Variants in RELCH observed in about 807,000 individuals in gnomAD.
RELCH encodes RAB11 binding and LisH domain, coiled-coil and HEAT repeat containing, also known as RAB11-binding protein RELCH.
A neutral mutation model predicts 150.3 loss-of-function variants in RELCH; 41 were observed. The ratio of observed to expected loss-of-function variants is 0.27; its 90% CI spans 0.21 to 0.35. The LOEUF (loss-of-function observed/expected upper bound fraction) is 0.35. Among genes scored for constraint, RELCH ranks in the 10% least tolerant of loss-of-function variants. The probability of loss-of-function intolerance (pLI) is 1.00; values close to 1 mark genes in which losing one functional copy is unlikely to be tolerated. For missense variants in RELCH, 1,092 were observed against 1,467.8 expected (o/e 0.74, Z 4.18); for synonymous variants, 478 against 531.8 (o/e 0.90, Z 1.39).
chr18:62,241,663 T>G (rs772126127), intron 10 of RELCH, among the ~76,000 whole-genome samples: 3 of 152,184 alleles, frequency 2.0e-5, no homozygotes, highest in Admixed American at 6.6e-5. Flanking sequence ...TCACCATTTT[T>G]TAAATGCTGT....
At chr18:62,203,267 C>T (rs989964391) in intron 1 of RELCH, among the ~76,000 whole-genome samples, 3 of 152,074 alleles carry the variant, frequency 2.0e-5, no homozygotes, top group East Asian at 3.9e-4. Context: ...ACCATCCTGG[C>T]CAACATGGTG....
chr18:62,272,064 C>G (rs1208275068), intron 20 of RELCH, among the ~76,000 whole-genome samples: 2 of 152,170 alleles, frequency 1.3e-5, no homozygotes, highest in Admixed American at 6.5e-5. Context: ...AGTTACAGCT[C>G]TGTTAAAGTG....
Position 62,264,712 on chromosome 18 carries a change from T to C in RELCH, c.2508-17T>C. On this transcript the variant is annotated splice_polypyrimidine_tract_variant and intron_variant, in intron 17 of 28. Transcript: ENST00000644646. ...TATATGTATCCCCTGCCTATTTTTCTTTCCTTTCATATTCAGGTTGCCACA... is the reference window on the plus strand; with the variant it reads ...TATATGTATCCCCTGCCTATTTTTCCTTCCTTTCATATTCAGGTTGCCACA... 6.4e-7 allele frequency: 1 copy of C among 1,559,958 alleles called. No individual in the cohort carries two copies. Among genetic ancestry groups the C allele is most frequent in the Non-Finnish European group, 8.7e-7 (1 of 1,144,822 alleles).
intron 11 of RELCH, chr18:62,247,067 T>C (rs187303941): frequency 1.3e-5 from 2 of 152,300 alleles, no homozygotes; most frequent in Non-Finnish European, 2.9e-5. Flanking sequence ...CAGAACGACA[T>C]TAAATTATTA....
In RELCH at chr18:62,242,577, C is replaced by T. The variant is rs190648722; in HGVS notation, c.1621-2187C>T. 1.7e-3 allele frequency among the ~76,000 whole-genome samples: 257 copies of T among 152,220 alleles called. 2 individuals are homozygous for T. Among genetic ancestry groups the T allele is most frequent in the Non-Finnish European group, 1.9e-3 (126 of 68,012 alleles). On this transcript the variant is annotated intron_variant, in intron 10 of 28. Coordinates refer to ENST00000644646, the MANE Select transcript of RELCH (RefSeq NM_001346231.2). ...GTGCTTTTCTTTAGTTTCCTTGGTA[C>T]TAAGTGGTAAACTAAGGTAAGAACT...
chr18:62,236,230 G>A (rs182081215), intron 10 of RELCH, among the ~76,000 whole-genome samples: 3 of 151,684 alleles, frequency 2.0e-5, no homozygotes, highest in East Asian at 1.9e-4. Flanking sequence ...TTCCCCTTTC[G>A]TTCTACTGTC....
rs143408856 is a variant in RELCH, at chr18:62,280,364, C to T, written c.3051-282C>T. ...TGCATGTTGACTGGTTTACAGCTGACTCTTCGAGGCATGAGTGAAGCGTTA... is the reference window on the plus strand; with the variant it reads ...TGCATGTTGACTGGTTTACAGCTGATTCTTCGAGGCATGAGTGAAGCGTTA... On this transcript the variant is annotated intron_variant, in intron 23 of 28. Coordinates refer to ENST00000644646, the MANE Select transcript of RELCH (RefSeq NM_001346231.2). 6.3e-5 allele frequency: 101 copies of T among 1,613,730 alleles called. No individual in the cohort carries two copies. In the Middle Eastern group the frequency reaches 8.2e-4, roughly 13 times the overall value.
intron 5 of RELCH, 129 bp from the exon 6 acceptor site, chr18:62,227,160 G>A: frequency 7.8e-6 from 5 of 637,040 alleles, no homozygotes; most frequent in Non-Finnish European, 1.3e-5. Flanking sequence ...TTGTGCCACT[G>A]TACTCCAGCC....
chr18:62,252,628 A>G (rs750382448), intron 11 of RELCH, 36 bp from the exon 12 acceptor site: 4 of 1,529,862 alleles, frequency 2.6e-6, no homozygotes, highest in East Asian at 2.2e-5. Context: ...GTGCTTTCTC[A>G]TGCAAATACA....
chr18:62,215,912 CT>C (rs1433638861), intron 2 of RELCH, among the ~76,000 whole-genome samples: 1 of 152,014 alleles, frequency 6.6e-6, no homozygotes, highest in Non-Finnish European at 1.5e-5. Flanking sequence ...ATTTTAAAAA[CT>C]TTTTTAGATA....
rs186866786 is a variant in RELCH at position 62,276,823 on chromosome 18, T to C, written c.2967+1350T>C. Among the ~76,000 whole-genome samples the C allele has an allele frequency of 3.0e-3, 461 of 152,264 alleles. 1 individual carries two copies. Among genetic ancestry groups the C allele is most frequent in the African/African-American group, 0.011 (438 of 41,566 alleles). ...TTTAAAAAGCCGTAATCAGGTTTTT[T>C]GTGATGATGAATGCCAAAGCCACTA... On this transcript the variant is annotated intron_variant, in intron 22 of 28. Coordinates refer to ENST00000644646, the MANE Select transcript of RELCH (RefSeq NM_001346231.2).
chr18:62,297,803 C>T (rs1256969119), intron 27 of RELCH, among the ~76,000 whole-genome samples: 1 of 152,176 alleles, frequency 6.6e-6, no homozygotes, highest in Non-Finnish European at 1.5e-5. Context: ...TCACACCTCA[C>T]AGCCTTTGAG....
chr18:62,275,350 ACT>A, intron 21 of RELCH, 22 bp from the exon 22 acceptor site: 3 of 1,282,638 alleles, frequency 2.3e-6, no homozygotes, highest in Non-Finnish European at 3.2e-6. Flanking sequence ...CAATTTTAAC[ACT>A]GTTTTTTTTT....
In RELCH at chr18:62,258,506, T is replaced by C. The variant is rs760990463; in HGVS notation, c.2038-6T>C. ...AAATCTACATTTGCCTTTTTCTCAT[T>C]GACAGGGTTTTGAATTGTTGCTGTC... On this transcript the variant is annotated splice_region_variant and splice_polypyrimidine_tract_variant and intron_variant, in intron 14 of 28. Transcript: ENST00000644646. The C allele has an allele frequency of 1.4e-5, 22 of 1,601,158 alleles. No individual in the cohort carries two copies. In the East Asian group the frequency reaches 4.9e-4, roughly 36 times the overall value.
rs1031359893 is a variant in RELCH at position 62,308,722 on chromosome 18, C to CA, written c.*3198dup. 7.3e-4 allele frequency: 106 copies of CA among 144,878 alleles called. 1 individual carries two copies. The highest frequency in any genetic ancestry group is 2.8e-3 in the East Asian group (14 of 4,944). 9.0% of individuals were successfully genotyped at this position (144,878 alleles called of 1,614,324 possible). On this transcript the variant is annotated 3_prime_UTR_variant, in exon 29 of 29. Transcript: ENST00000644646. ...ACAGAGCAAGACTCCATCTCAAAAA[C>CA]AAAAAAAAAAGCTTTGTAAGTAGCA...
chr18:62,244,710 G>T, intron 10 of RELCH, 54 bp from the exon 11 acceptor site: 1 of 1,142,202 alleles, frequency 8.8e-7, no homozygotes, highest in African/African-American at 1.5e-5. Flanking sequence ...GAGGAAAAAA[G>T]AATATTCTGC....
At chr18:62,253,212 G>T (rs896972723) in intron 12 of RELCH, among the ~76,000 whole-genome samples, 1 of 149,324 alleles carries the variant, frequency 6.7e-6, no homozygotes, top group Non-Finnish European at 1.5e-5. Context: ...GAACTAAGAT[G>T]CAACAAGAAC....
chr18:62,244,089 A>G (rs2042282641), intron 10 of RELCH, among the ~76,000 whole-genome samples: 1 of 152,114 alleles, frequency 6.6e-6, no homozygotes, highest in South Asian at 2.1e-4. Flanking sequence ...AAACAATGTA[A>G]TTAATTTCAA....
At chr18:62,226,624 A>T (rs1429941949) in intron 5 of RELCH, among the ~76,000 whole-genome samples, 1 of 152,132 alleles carries the variant, frequency 6.6e-6, no homozygotes, top group African/African-American at 2.4e-5. Context: ...ATGTTTTATG[A>T]TGTCATGCAA....
Sources: allele counts gnomAD v4.1 joint callset (sites outside exome capture counted in the v4.1 genomes callset), GRCh38; gene constraint gnomAD v4.1.1; transcripts MANE v1.5; gene names NCBI Gene and HGNC (gene_info 2026-07-23, HGNC 2026-07-21).